Variants in DZIP1 observed in about 807,000 individuals in gnomAD.
The protein encoded by DZIP1 is cilium assembly protein DZIP1.
A neutral mutation model predicts 107.6 loss-of-function variants in DZIP1; 97 were observed. The observed-to-expected ratio is 0.90, with a 90% CI of 0.77 to 1.07. DZIP1 has a LOEUF of 1.07. Ranked by LOEUF, DZIP1 falls within the 50% of genes least tolerant of loss-of-function variation. The pLI, the probability that DZIP1 is intolerant of heterozygous loss-of-function variation, is 0.00. For missense variants in DZIP1, 1,035 were observed against 1,063.6 expected (o/e 0.97, Z 0.37); for synonymous variants, 390 against 386.4 (o/e 1.01, Z -0.11).
At chr13:95,583,051 C>T (rs1015255493) in intron 22 of DZIP1, among the ~76,000 whole-genome samples, 1 of 152,102 alleles carries the variant, frequency 6.6e-6, no homozygotes, top group African/African-American at 2.4e-5. Flanking sequence ...GTGAAGGAGA[C>T]AGGCAGCAAC....
intron 22 of DZIP1, among the ~76,000 whole-genome samples, chr13:95,583,609 G>GA (rs1306307431): frequency 1.3e-5 from 2 of 152,114 alleles, no homozygotes; most frequent in Admixed American, 6.5e-5. Flanking sequence ...TGGGGGATAT[G>GA]AAAATCATTT....
Position 95,611,429 on chromosome 13 carries a change from G to A in DZIP1, c.1363+16C>T. The A allele has an allele frequency of 6.2e-7, 1 of 1,611,552 alleles. No individual in the cohort carries two copies. The highest frequency in any genetic ancestry group is 8.5e-7 in the Non-Finnish European group (1 of 1,177,848). Reference sequence around the variant, plus strand: ...AGGTTCCCCTTGCCGCCAGTACCGGGATCCCATCCACTTACCTTTGGGTTC... The same window carrying A: ...AGGTTCCCCTTGCCGCCAGTACCGGAATCCCATCCACTTACCTTTGGGTTC... On this transcript the variant is annotated intron_variant, in intron 12 of 22. Coordinates refer to ENST00000376829, the MANE Select transcript of DZIP1 (RefSeq NM_198968.4).
Position 95,641,529 on chromosome 13 carries a change from G to A in DZIP1, c.363C>T (p.Ile121=), listed in dbSNP as rs757238103. ...ACTCGATGGTGAACTGCGCCAGACGGATGAGCTTCAGCAGCACCGGGTCCA... is the reference window on the plus strand; with the variant it reads ...ACTCGATGGTGAACTGCGCCAGACGAATGAGCTTCAGCAGCACCGGGTCCA... ...SGVDPVLLKL[I]RLAQFTIEYL... The change falls in exon 5 of 23, where the codon ATC becomes ATT. Residue 121 remains isoleucine, a synonymous_variant. Coordinates refer to ENST00000376829, the MANE Select transcript of DZIP1 (RefSeq NM_198968.4). The surrounding 1 kb of genome is among the most constrained non-coding windows in gnomAD (Gnocchi z 4.3). 29 of 1,614,062 alleles carry A rather than the reference G, an allele frequency of 1.8e-5. No individual in the cohort carries two copies. The South Asian group carries it at 3.0e-4, about 16-fold the overall frequency.
chr13:95,582,474 C>T (rs760180066), intron 22 of DZIP1, among the ~76,000 whole-genome samples, 161 bp from the exon 23 acceptor site: 8 of 152,174 alleles, frequency 5.3e-5, no homozygotes, highest in Non-Finnish European at 1.0e-4. Flanking sequence ...ATGTATAGGA[C>T]GCCACTTTAA....
At chr13:95,596,571 C>G (rs1251268188) in intron 15 of DZIP1, among the ~76,000 whole-genome samples, 1 of 152,184 alleles carries the variant, frequency 6.6e-6, no homozygotes, top group Non-Finnish European at 1.5e-5. Context: ...TCCATTTGCT[C>G]TCTGCACTAA....
At chr13:95,620,028 T>C (rs973328399) in intron 9 of DZIP1, 81 bp from the exon 10 acceptor site, 2 of 1,468,580 alleles carry the variant, frequency 1.4e-6, no homozygotes, top group Admixed American at 1.8e-5. Flanking sequence ...TTTTAGTGAA[T>C]ACCTATGAAA....
At chr13:95,587,857 T>TG in intron 19 of DZIP1, 128 bp from the exon 20 acceptor site, 1 of 1,188,504 alleles carries the variant, frequency 8.4e-7, no homozygotes, top group South Asian at 1.6e-5. Flanking sequence ...CAAGTGCCTT[T>TG]GGGGCTATGG....
intron 5 of DZIP1, among the ~76,000 whole-genome samples, chr13:95,640,816 G>C (rs1340859256): frequency 6.6e-6 from 1 of 152,188 alleles, no homozygotes; most frequent in African/African-American, 2.4e-5. Flanking sequence ...AGGGACTGTG[G>C]AAAATGTTAA....
intron 8 of DZIP1, among the ~76,000 whole-genome samples, chr13:95,622,686 T>C (rs557342923): frequency 2.0e-5 from 3 of 152,182 alleles, no homozygotes; most frequent in Non-Finnish European, 4.4e-5. Context: ...TATCAGAATA[T>C]GTACAGGGTG....
intron 14 of DZIP1, among the ~76,000 whole-genome samples, chr13:95,601,698 G>A (rs1244101705): frequency 1.3e-5 from 2 of 152,156 alleles, no homozygotes; most frequent in Non-Finnish European, 2.9e-5. Flanking sequence ...CGGACTGCCT[G>A]CTTCCAAAGT....
intron 12 of DZIP1, among the ~76,000 whole-genome samples, chr13:95,610,111 T>TGA (rs1555308785): frequency 0.035 from 4,442 of 126,414 alleles, 223 homozygotes; most frequent in Non-Finnish European, 0.053. Context: ...TGTGTGTGTG[T>TGA]GAGAGAGAGA....
Position 95,622,447 on chromosome 13 carries a change from T to C in DZIP1, c.1006A>G (p.Ile336Val), listed in dbSNP as rs749262087. The change falls in exon 9 of 23, where the codon ATC becomes GTC. Residue 336 changes from isoleucine (I) to valine (V), a missense_variant. Physicochemically the swap from Ile to Val is conservative, Grantham distance 29. Transcript: ENST00000376829. Reference sequence around the variant, plus strand: ...TTTAATGTGCCTATGTTGGACTTGATCTGCATATTGGACTTCTGGATTTCT... The same window carrying C: ...TTTAATGTGCCTATGTTGGACTTGACCTGCATATTGGACTTCTGGATTTCT... ...LSEIQKSNMQ[I>V]KSNIGTLKDA... The C allele has an allele frequency of 5.6e-6, 9 of 1,614,224 alleles. No individual in the cohort carries two copies. In the Admixed American group the frequency reaches 6.7e-5, roughly 12 times the overall value.
rs1343357257 is a variant in DZIP1, at chr13:95,587,648, C to G, written c.2109G>C (p.Val703=). ...AGCTGCCCTTGTTTTGTGGTGGCGG[C>G]ACAGGAAGTGGGCCTGGGGATGCGT... ...RAYASPGPLP[V]PPPQNKGSFG... The change falls in exon 20 of 23, where the codon GTG becomes GTC. Residue 703 remains valine, a synonymous_variant. Coordinates refer to ENST00000376829, the MANE Select transcript of DZIP1 (RefSeq NM_198968.4). 1 of 1,614,168 alleles carries G rather than the reference C, an allele frequency of 6.2e-7. No individual in the cohort carries two copies. Among genetic ancestry groups the G allele is most frequent in the South Asian group, 1.1e-5 (1 of 91,074 alleles).
chr13:95,625,958 A>G (rs890731460), intron 7 of DZIP1, among the ~76,000 whole-genome samples: 4 of 151,306 alleles, frequency 2.6e-5, no homozygotes, highest in Non-Finnish European at 5.9e-5. Context: ...CCTCATCTCT[A>G]CCAAAAATTA....
At chr13:95,605,428 C>T (rs142193562) in intron 14 of DZIP1, among the ~76,000 whole-genome samples, 50 of 152,312 alleles carry the variant, frequency 3.3e-4, no homozygotes, top group African/African-American at 1.2e-3. Flanking sequence ...AAATATTCAG[C>T]CCATCTATTG....
rs1878501359 is a variant in DZIP1 at position 95,641,552 on chromosome 13, C to T, written c.340G>A (p.Asp114Asn). 6.2e-7 allele frequency: 1 copy of T among 1,613,960 alleles called. No homozygotes were observed. The highest frequency in any genetic ancestry group is 2.2e-5 in the East Asian group (1 of 44,888). Residue 114 changes from aspartate to asparagine, a missense_variant, in exon 5 of 23, where the codon GAC becomes AAC. Transcript: ENST00000376829. This position sits in a 1 kb window ranked among gnomAD's most constrained non-coding sequence, Gnocchi z 4.3. ...CGGATGAGCTTCAGCAGCACCGGGT[C>T]CACCCCCGACTGGCAGTGTGGGCAC... ...EKCPHCQSGV[D>N]PVLLKLIRLA...
At chr13:95,609,555 C>A (rs376402358) in intron 12 of DZIP1, 42 bp from the exon 13 acceptor site, 8 of 1,488,244 alleles carry the variant, frequency 5.4e-6, no homozygotes, top group Non-Finnish European at 6.3e-6. Flanking sequence ...ACATCACAAG[C>A]TATGGATTAA....
At chr13:95,626,626 C>A (rs4297568) in intron 7 of DZIP1, among the ~76,000 whole-genome samples, 2,090 of 152,218 alleles carry the variant, frequency 0.014, 47 homozygotes, top group African/African-American at 0.047. Context: ...AAAAAAATAA[C>A]ATAGAATCCA....
intron 10 of DZIP1, among the ~76,000 whole-genome samples, chr13:95,618,141 ACT>A (rs779005391): frequency 1.3e-5 from 2 of 151,576 alleles, no homozygotes; most frequent in Admixed American, 1.3e-4. Flanking sequence ...ACTTCAAGAA[ACT>A]CTCTCTGTTC....
Sources: gnomAD v4.1 joint callset for allele counts (sites outside exome capture counted in the v4.1 genomes callset) on GRCh38, gnomAD v4.1.1 for gene constraint, Gnocchi (gnomAD v3.1) non-coding constraint, MANE v1.5 for transcripts, NCBI Gene and HGNC (gene_info 2026-07-23, HGNC 2026-07-21) for gene names.